The following SIPA1L2 variants were observed in gnomAD, a reference collection of about 807,000 sequenced individuals.
The protein encoded by SIPA1L2 is signal induced proliferation associated 1 like 2.
Under a neutral mutation model 163.9 loss-of-function variants are expected in SIPA1L2, and 56 were observed. The observed-to-expected ratio is 0.34, with a 90% CI of 0.28 to 0.43. SIPA1L2 has a LOEUF of 0.43. SIPA1L2 is among the 20% of genes least tolerant of loss of function. SIPA1L2 has a pLI of 1.00. For missense variants in SIPA1L2, 1,974 were observed against 2,193.5 expected, an observed-to-expected ratio of 0.90 and a Z score of 2.00; for synonymous variants, 877 against 865.7, an observed-to-expected ratio of 1.01 and a Z score of -0.23.
In SIPA1L2 at chr1:232,402,450, G is replaced by A. The variant is rs1660400253; in HGVS notation, c.4964C>T (p.Thr1655Ile). 6.2e-7 allele frequency: 1 copy of A among 1,613,588 alleles called. No homozygotes were observed. Among genetic ancestry groups the A allele is most frequent in the Non-Finnish European group, 8.5e-7 (1 of 1,179,588 alleles). The part of the protein sequence containing the change: ...TTGERSPSPL[T>I]GKVNQLELIL... ...TAATTCCAGCTGATTGACTTTCCCGGTCAGTGGTGATGGAGAACGCTCCCT... is the reference window on the plus strand; with the variant it reads ...TAATTCCAGCTGATTGACTTTCCCGATCAGTGGTGATGGAGAACGCTCCCT... The change falls in exon 22 of 23, where the codon ACC (threonine) becomes ATC (isoleucine). Residue 1655 changes from threonine to isoleucine, a missense_variant. By Grantham distance (89) the Thr-to-Ile change is moderately conservative (BLOSUM62 -1). Coordinates refer to ENST00000674635, the MANE Select transcript of SIPA1L2 (RefSeq NM_020808.5).
chr1:232,485,235 C>T (rs1665587735), intron 5 of SIPA1L2, among the ~76,000 whole-genome samples: 1 of 152,186 alleles, frequency 6.6e-6, no homozygotes, highest in Non-Finnish European at 1.5e-5. Context: ...GAATCAGCTA[C>T]CTATACCGAT....
In SIPA1L2 at chr1:232,432,450, G is replaced by A; in HGVS notation, c.4053C>T (p.Ser1351=). Residue 1351 remains serine, a synonymous_variant, in exon 16 of 23, where the codon AGC becomes AGT. Transcript: ENST00000674635. ...TACTTTTTGAACAGTGAGCTGAAGG[G>A]CTTCCTGAATGGTGAGAACCACTGA... is the stretch of plus-strand genomic sequence containing the variant. ...SHSSGSHHSG[S]PSAHCSKSSG... 1 of 1,614,214 alleles carries A rather than the reference G, an allele frequency of 6.2e-7. No individual in the cohort carries two copies. The highest frequency in any genetic ancestry group is 2.2e-5 in the East Asian group (1 of 44,888).
At chr1:232,576,843 C>A (rs1446697486) in intron 1 of SIPA1L2, among the ~76,000 whole-genome samples, 1 of 152,060 alleles carries the variant, frequency 6.6e-6, no homozygotes, top group Non-Finnish European at 1.5e-5. Context: ...AGCCACATTT[C>A]CTTAAGCCAA....
At chr1:232,630,161 CG>C (rs1663316979), upstream of SIPA1L2, among the ~76,000 whole-genome samples, 2 of 151,626 alleles carry the variant, frequency 1.3e-5, no homozygotes, top group South Asian at 4.1e-4. Context: ...TGCCACCGCC[CG>C]CCCGCCCAGC....
intron 2 of SIPA1L2, among the ~76,000 whole-genome samples, chr1:232,524,721 T>C (rs1157411233): frequency 6.6e-6 from 1 of 152,118 alleles, no homozygotes; most frequent in East Asian, 1.9e-4. Context: ...AATATAATAT[T>C]ATGTGTAAAC....
intron 1 of SIPA1L2, among the ~76,000 whole-genome samples, chr1:232,579,146 C>A (rs1303831269): frequency 2.0e-5 from 3 of 152,200 alleles, no homozygotes; most frequent in African/African-American, 7.2e-5. Context: ...GCAGGTTCAT[C>A]AGCTGTTTTC....
Position 232,539,021 on chromosome 1 carries a change from A to G in SIPA1L2, c.-269-23413T>C, listed in dbSNP as rs555256200. 6.6e-4 allele frequency among the ~76,000 whole-genome samples: 101 copies of G among 152,372 alleles called. 1 individual carries two copies. Among genetic ancestry groups the G allele is most frequent in the African/African-American group, 2.1e-3 (88 of 41,594 alleles). On this transcript the variant is annotated intron_variant, in intron 2 of 22. Transcript: ENST00000674635. ...TAATCCTGTTTTGATTGCTGGGGGA[A>G]GTAGCAGTCACATGCTCTGTTTGTG...
intron 1 of SIPA1L2, among the ~76,000 whole-genome samples, chr1:232,623,184 C>T (rs1315317222): frequency 2.0e-5 from 3 of 152,320 alleles, no homozygotes; most frequent in East Asian, 1.9e-4. Flanking sequence ...CCTTGCACTA[C>T]GGGTGGCTGT....
At chr1:232,547,577 T>TGG (rs1482122640) in intron 2 of SIPA1L2, among the ~76,000 whole-genome samples, 15 of 2,348 alleles carry the variant, frequency 6.4e-3, no homozygotes, top group Non-Finnish European at 4.0e-3. Context: ...GGGTGGGGGC[T>TGG]GGGTGGGGGC....
At chr1:232,511,775 A>G (rs1229615383) in intron 3 of SIPA1L2, among the ~76,000 whole-genome samples, 2 of 152,242 alleles carry the variant, frequency 1.3e-5, no homozygotes, top group East Asian at 3.8e-4. Context: ...TAAAAACCCT[A>G]GAAGAAAACC....
At chr1:232,485,772 C>G (rs575308438) in intron 5 of SIPA1L2, among the ~76,000 whole-genome samples, 2 of 152,318 alleles carry the variant, frequency 1.3e-5, no homozygotes, top group South Asian at 4.1e-4. Flanking sequence ...TTCTCTTTCA[C>G]TGTGAGAAGA....
chr1:232,484,326 A>T (rs1409370), intron 5 of SIPA1L2, among the ~76,000 whole-genome samples: 38,270 of 152,050 alleles, frequency 0.25, 4,952 homozygotes, highest in Admixed American at 0.35. Context: ...TAATTAGGGT[A>T]ATCTTCTAAG....
intron 19 of SIPA1L2, among the ~76,000 whole-genome samples, chr1:232,411,618 CTTTTCT>C (rs769610520): frequency 6.7e-6 from 1 of 149,738 alleles, no homozygotes; most frequent in Non-Finnish European, 1.5e-5. Context: ...TACTTCATTC[CTTTTCT>C]TTGTGTGTTT....
chr1:232,456,959 A>G (rs1663955556), intron 10 of SIPA1L2, among the ~76,000 whole-genome samples: 1 of 152,012 alleles, frequency 6.6e-6, no homozygotes, highest in Admixed American at 6.6e-5. Flanking sequence ...CTCAAGGGGG[A>G]TTCTCCCTGC....
chr1:232,439,986 T>G (rs1558179026), intron 14 of SIPA1L2, among the ~76,000 whole-genome samples: 1 of 152,208 alleles, frequency 6.6e-6, no homozygotes, highest in Non-Finnish European at 1.5e-5. Context: ...ATACCGAGCT[T>G]ACATGATTCC....
intron 2 of SIPA1L2, among the ~76,000 whole-genome samples, chr1:232,539,593 G>T (rs995199579): frequency 2.0e-5 from 3 of 152,044 alleles, no homozygotes; most frequent in African/African-American, 7.2e-5. Context: ...TGAAGACTGA[G>T]GTTTTAAAGG....
intron 1 of SIPA1L2, among the ~76,000 whole-genome samples, chr1:232,613,056 A>G (rs143509247): frequency 2.0e-5 from 3 of 152,260 alleles, no homozygotes; most frequent in African/African-American, 4.8e-5. Flanking sequence ...TTCCGCTTTT[A>G]CATCTTCCTC....
chr1:232,561,003 C>CTA lies in SIPA1L2; in HGVS notation c.-270+13169_-270+13170dup, dbSNP rs769884238. On this transcript the variant is annotated intron_variant, in intron 2 of 22. Coordinates refer to ENST00000674635, the MANE Select transcript of SIPA1L2 (RefSeq NM_020808.5). ...TTTCATTCCAATATTTATTAAGAATCTACTATGTTCCAGACAGATATATTA... is the reference window on the plus strand; with the variant it reads ...TTTCATTCCAATATTTATTAAGAATCTATACTATGTTCCAGACAGATATATTA... Among the ~76,000 whole-genome samples the CTA allele has an allele frequency of 5.9e-5, 9 of 152,194 alleles. 1 individual carries two copies. In the East Asian group the frequency reaches 1.5e-3, roughly 26 times the overall value.
chr1:232,575,499 G>GT (rs1660032152), intron 1 of SIPA1L2, among the ~76,000 whole-genome samples: 1 of 152,152 alleles, frequency 6.6e-6, no homozygotes, highest in South Asian at 2.1e-4. Flanking sequence ...GCGGCTGAAT[G>GT]TAAGATTTTG....
Sources: gnomAD v4.1 joint callset for allele counts (sites outside exome capture counted in the v4.1 genomes callset) on GRCh38, gnomAD v4.1.1 for gene constraint, MANE v1.5 for transcripts, NCBI Gene and HGNC (gene_info 2026-07-23, HGNC 2026-07-21) for gene names.